PIH1D2: variants seen among roughly 807,000 people sequenced by gnomAD.
PIH1D2 encodes the protein PIH1 domain-containing protein 2.
Under a neutral mutation model 31.2 loss-of-function variants are expected in PIH1D2, and 25 were observed. That is an observed-to-expected ratio of 0.80 (90% confidence interval 0.58 to 1.12). The LOEUF is 1.12. Ranked by LOEUF, PIH1D2 falls within the 50% of genes most tolerant of loss-of-function variation. The probability of loss-of-function intolerance (pLI) is 0.00; values close to 1 mark genes in which losing one functional copy is unlikely to be tolerated. For missense variants in PIH1D2, 310 were observed against 356.6 expected (o/e 0.87, Z 1.05); for synonymous variants, 116 against 119.9 (o/e 0.97, Z 0.21).
At chr11:112,064,447 G>C (rs1864829375), downstream of PIH1D2, 1 of 492,184 alleles carries the variant, frequency 2.0e-6, no homozygotes, top group Non-Finnish European at 3.6e-6. Context: ...AAATTATTTA[G>C]ATCTAGGGAC....
the PIH1D2 span, among the ~76,000 whole-genome samples, chr11:112,057,693 G>A: frequency 1.3e-5 from 2 of 152,280 alleles, no homozygotes; most frequent in East Asian, 3.9e-4. Context: ...GCAGAGGTTG[G>A]CTCATGAGGT....
chr11:112,053,958 A>G, the PIH1D2 span, among the ~76,000 whole-genome samples: 1 of 152,246 alleles, frequency 6.6e-6, no homozygotes, highest in East Asian at 1.9e-4. Flanking sequence ...TGCCCTTCCT[A>G]CATACACACA....
At chr11:112,069,158 CCGG>C (rs1303715143) in intron 5 of PIH1D2, among the ~76,000 whole-genome samples, 2 of 151,458 alleles carry the variant, frequency 1.3e-5, no homozygotes, top group African/African-American at 4.9e-5. Flanking sequence ...ACCACCACGC[CCGG>C]CTGATGTTTT....
At chr11:112,073,726 A>G (rs1865225059) in intron 1 of PIH1D2, among the ~76,000 whole-genome samples, 1 of 152,210 alleles carries the variant, frequency 6.6e-6, no homozygotes, top group Admixed American at 6.5e-5. Context: ...GATTATTGCG[A>G]GATTAAGTAA....
Position 112,068,013 on chromosome 11 carries a change from T to C in PIH1D2, c.814-8A>G, listed in dbSNP as rs782438096. The C allele has an allele frequency of 7.2e-6, 11 of 1,534,684 alleles. No homozygotes were observed. The highest frequency in any genetic ancestry group is 1.4e-5 in the African/African-American group (1 of 72,782). ...TTCAATCAATAAATCATCCTAAGAA[T>C]AATAAACCAAGAGATTTATTTCCTG... On this transcript the variant is annotated splice_polypyrimidine_tract_variant and splice_region_variant and intron_variant, in intron 5 of 5. Transcript: ENST00000280350.
chr11:112,053,237 G>C, the PIH1D2 span, among the ~76,000 whole-genome samples: 1 of 151,970 alleles, frequency 6.6e-6, no homozygotes, highest in African/African-American at 2.4e-5. Flanking sequence ...CAGGAGAATT[G>C]CTTGAACCCA....
chr11:112,061,103 C>T (rs150592352), downstream of PIH1D2: 30 of 1,613,704 alleles, frequency 1.9e-5, no homozygotes, highest in African/African-American at 3.6e-4. Context: ...CTATTATTAA[C>T]CCACCTCAAG....
In PIH1D2 at chr11:112,071,729, G is replaced by C. The variant is rs1592753455; in HGVS notation, c.207C>G (p.Asn69Lys). 1.9e-6 allele frequency: 3 copies of C among 1,613,980 alleles called. No homozygotes were observed. The highest frequency in any genetic ancestry group is 2.5e-6 in the Non-Finnish European group (3 of 1,179,866). The change falls in exon 3 of 6, where the codon AAC becomes AAG. Residue 69 changes from asparagine to lysine, a missense_variant. Coordinates refer to ENST00000280350, the MANE Select transcript of PIH1D2 (RefSeq NM_138789.4). The part of the protein sequence containing the change: ...LKPKEKILFI[N>K]LCQWTRIPAP... ...CTGGGATCCTTGTCCACTGACACAG[G>C]TTGATAAAAAGTATTTTTTCTTTTG... is the stretch of plus-strand genomic sequence containing the variant.
At chr11:112,060,737 A>G (rs1555183138), downstream of PIH1D2, among the ~76,000 whole-genome samples, 2 of 152,184 alleles carry the variant, frequency 1.3e-5, no homozygotes, top group Non-Finnish European at 2.9e-5. Context: ...AAGTGCTGGG[A>G]TTACAGGTGT....
Position 112,073,146 on chromosome 11 carries a change from G to A in PIH1D2, c.29C>T (p.Thr10Ile), listed in dbSNP as rs540408410. 1 of 1,613,146 alleles carries A rather than the reference G, an allele frequency of 6.2e-7. No homozygotes were observed. Among genetic ancestry groups the A allele is most frequent in the African/African-American group, 1.3e-5 (1 of 75,026 alleles). Residue 10 changes from threonine (T) to isoleucine (I), a missense_variant, in exon 2 of 6, where the codon ACC (threonine) becomes ATC (isoleucine). Physicochemically the swap from Thr to Ile is moderately conservative, Grantham distance 89. Coordinates refer to ENST00000280350, the MANE Select transcript of PIH1D2 (RefSeq NM_138789.4). METSSKGLLTQVTQFWNLLD... is the reference protein window; with the variant it reads METSSKGLLIQVTQFWNLLD... Reference sequence around the variant, plus strand: ...GAGGTTCCAAAACTGAGTAACTTGGGTAAGCAGACCTTTTGAGGATGTCTC... The same window carrying A: ...GAGGTTCCAAAACTGAGTAACTTGGATAAGCAGACCTTTTGAGGATGTCTC...
chr11:112,064,069 T>C (rs1555183581), downstream of PIH1D2: 2 of 1,054,938 alleles, frequency 1.9e-6, no homozygotes, highest in African/African-American at 3.2e-5. Flanking sequence ...ATTAATTTGA[T>C]TTTTCAGTAA....
intron 2 of PIH1D2, among the ~76,000 whole-genome samples, chr11:112,072,215 T>G (rs1030361880): frequency 6.6e-6 from 1 of 152,158 alleles, no homozygotes; most frequent in Admixed American, 6.5e-5. Context: ...TTGATTATAC[T>G]GTTGTTATTT....
downstream of PIH1D2, chr11:112,059,779 G>A: frequency 2.7e-6 from 2 of 738,034 alleles, no homozygotes; most frequent in South Asian, 4.0e-5. Flanking sequence ...TTTTGTCTTT[G>A]GCTGAACAAT....
At position 112,071,176 on chromosome 11, in the gene PIH1D2, C is replaced by T. The variant is rs1555184564; in HGVS notation, c.409G>A (p.Glu137Lys). 9.9e-6 allele frequency: 16 copies of T among 1,613,882 alleles called. No individual in the cohort carries two copies. The highest frequency in any genetic ancestry group is 1.4e-5 in the Non-Finnish European group (16 of 1,179,912). ...GAGAGGGTGAACTGGAATTTCTCCTCAATGCATTTCATGGCCATCTGAATT... is the reference window on the plus strand; with the variant it reads ...GAGAGGGTGAACTGGAATTTCTCCTTAATGCATTTCATGGCCATCTGAATT... ...QLIQMAMKCI[E>K]EKFQFTLSHS... The change falls in exon 4 of 6, where the codon GAG (glutamate) becomes AAG (lysine). Residue 137 changes from glutamate to lysine, a missense_variant. Physicochemically the swap from Glu to Lys is moderately conservative, Grantham distance 56 (BLOSUM62 1). Transcript: ENST00000280350.
Position 112,071,728 on chromosome 11 carries a change from G to A in PIH1D2, c.208C>T (p.Leu70=), listed in dbSNP as rs1555184693. The A allele has an allele frequency of 6.2e-7, 1 of 1,614,002 alleles. No individual in the cohort carries two copies. Among genetic ancestry groups the A allele is most frequent in the Non-Finnish European group, 8.5e-7 (1 of 1,179,870 alleles). The part of the protein sequence containing the change: ...KPKEKILFIN[L]CQWTRIPAPQ... ...GCTGGGATCCTTGTCCACTGACACA[G>A]GTTGATAAAAAGTATTTTTTCTTTT... The change falls in exon 3 of 6, where the codon CTG becomes TTG. Residue 70 remains leucine, a synonymous_variant. Coordinates refer to ENST00000280350, the MANE Select transcript of PIH1D2 (RefSeq NM_138789.4).
At chr11:112,059,666 T>C (rs1555182970), downstream of PIH1D2, among the ~76,000 whole-genome samples, 1 of 152,214 alleles carries the variant, frequency 6.6e-6, no homozygotes, top group African/African-American at 2.4e-5. Context: ...GTGTTGGGAT[T>C]ACAGGCATGA....
intron 5 of PIH1D2, among the ~76,000 whole-genome samples, chr11:112,068,808 T>G (rs1865015008): frequency 6.6e-6 from 1 of 151,714 alleles, no homozygotes; most frequent in Non-Finnish European, 1.5e-5. Context: ...TAAAAAGGAC[T>G]TTATAGAGCC....
Position 112,071,095 on chromosome 11 carries a change from GT to G in PIH1D2, c.489del (p.Lys163AsnfsTer4). The G allele has an allele frequency of 1.2e-6, 2 of 1,613,468 alleles. No homozygotes were observed. Among genetic ancestry groups the G allele is most frequent in the Non-Finnish European group, 1.7e-6 (2 of 1,179,676 alleles). On this transcript the variant is annotated frameshift_variant, in exon 4 of 6. Transcript: ENST00000280350. LOFTEE classifies it high-confidence loss of function. Reference sequence around the variant, plus strand: ...TCAGTTTGGATTCCCATCAGATTTTGTTTCATTCTTTGAATGCTTCCTTTTA... The same window carrying G: ...TCAGTTTGGATTCCCATCAGATTTTGTTCATTCTTTGAATGCTTCCTTTTA... ...FRIKGSIQRM[K>X]QNLMGIQTDS...
chr11:112,054,337 A>G, the PIH1D2 span, among the ~76,000 whole-genome samples: 1 of 151,984 alleles, frequency 6.6e-6, no homozygotes, highest in African/African-American at 2.4e-5. Context: ...AATAATAATA[A>G]ATAAATATAA....
Sources: gnomAD v4.1 joint callset for allele counts (sites outside exome capture counted in the v4.1 genomes callset) on GRCh38, gnomAD v4.1.1 for gene constraint, MANE v1.5 for transcripts, NCBI Gene and HGNC (gene_info 2026-07-23, HGNC 2026-07-21) for gene names.